Variants in COG5 observed in about 807,000 individuals in gnomAD.
COG5 encodes conserved oligomeric Golgi complex subunit 5.
A neutral mutation model predicts 110.4 loss-of-function variants in COG5; 86 were observed. That is an observed-to-expected ratio of 0.78 (90% CI 0.65 to 0.93). The LOEUF (loss-of-function observed/expected upper bound fraction) is 0.93, where lower values mean the gene tolerates loss of function less well. Ranked by LOEUF, COG5 falls within the 40% of genes least tolerant of loss-of-function variation. The pLI is 0.00. For missense variants in COG5, 1,077 were observed against 987.0 expected, an observed-to-expected ratio of 1.09 and a Z score of -1.22; for synonymous variants, 360 against 334.6, an observed-to-expected ratio of 1.08 and a Z score of -0.83.
intron 12 of COG5, among the ~76,000 whole-genome samples, chr7:107,294,908 TG>T (rs1806499685): frequency 8.9e-6 from 1 of 112,272 alleles, no homozygotes; most frequent in Non-Finnish European, 1.9e-5. Flanking sequence ...TGTGTGTGTG[TG>T]TGTGTGTGTG....
intron 6 of COG5, among the ~76,000 whole-genome samples, chr7:107,488,257 G>C (rs1232074314): frequency 6.6e-6 from 1 of 151,490 alleles, no homozygotes; most frequent in African/African-American, 2.4e-5. Flanking sequence ...CCAAACATAA[G>C]TGTAAAATTA....
At chr7:107,293,745 T>C (rs1361112501) in intron 12 of COG5, among the ~76,000 whole-genome samples, 3 of 152,108 alleles carry the variant, frequency 2.0e-5, no homozygotes, top group Non-Finnish European at 4.4e-5. Flanking sequence ...AACTTCCCTA[T>C]GTAATCTCTT....
chr7:107,280,382 T>C (rs1242645332), intron 14 of COG5, among the ~76,000 whole-genome samples: 4 of 152,110 alleles, frequency 2.6e-5, no homozygotes, highest in African/African-American at 9.6e-5. Flanking sequence ...CCTCCAAGGA[T>C]CATTTTATGT....
chr7:107,355,280 T>C (rs1812522307), intron 10 of COG5, among the ~76,000 whole-genome samples: 1 of 152,148 alleles, frequency 6.6e-6, no homozygotes, highest in African/African-American at 2.4e-5. Flanking sequence ...TTGGCAAGGA[T>C]GGGGAACAAA....
At position 107,498,662 on chromosome 7, in the gene COG5, C is replaced by T. The variant is rs112603884; in HGVS notation, c.538+28575G>A. Among the ~76,000 whole-genome samples the T allele has an allele frequency of 4.5e-3, 684 of 151,954 alleles. 11 individuals carry two copies. Among genetic ancestry groups the T allele is most frequent in the African/African-American group, 0.016 (648 of 41,466 alleles). On this transcript the variant is annotated intron_variant, in intron 6 of 21. Transcript: ENST00000297135. Reference sequence around the variant, plus strand: ...AAACAGACACGTGCTGGTGAGGTTGCGGAGAAATTGGAATCGTTTTACACT... The same window carrying T: ...AAACAGACACGTGCTGGTGAGGTTGTGGAGAAATTGGAATCGTTTTACACT...
intron 14 of COG5, among the ~76,000 whole-genome samples, chr7:107,265,365 G>A (rs565679185): frequency 2.4e-4 from 36 of 152,068 alleles, no homozygotes; most frequent in African/African-American, 8.4e-4. Context: ...CTGCAGCCTC[G>A]ACCTCCTGAT....
chr7:107,351,799 A>G (rs1365505894), intron 10 of COG5, among the ~76,000 whole-genome samples: 1 of 150,264 alleles, frequency 6.7e-6, no homozygotes, highest in Non-Finnish European at 1.5e-5. Context: ...ATCATTAAAA[A>G]GTCAGGAAAC....
intron 17 of COG5, among the ~76,000 whole-genome samples, chr7:107,241,711 C>T (rs1801649504): frequency 6.6e-6 from 1 of 152,110 alleles, no homozygotes; most frequent in Non-Finnish European, 1.5e-5. Context: ...CTCGGCCTCC[C>T]AAAGTGCTGG....
chr7:107,230,060 A>G (rs1193898304), intron 19 of COG5, among the ~76,000 whole-genome samples: 2 of 152,016 alleles, frequency 1.3e-5, no homozygotes, highest in African/African-American at 4.8e-5. Flanking sequence ...CATGTTGGCC[A>G]GGATGGTCTT....
intron 3 of COG5, among the ~76,000 whole-genome samples, chr7:107,551,027 A>G (rs186771103): frequency 7.4e-4 from 112 of 151,858 alleles, no homozygotes; most frequent in African/African-American, 2.6e-3. Flanking sequence ...AAATAAATCA[A>G]TGAGGCTACC....
In COG5 at chr7:107,527,312, T is replaced by G. The variant is rs753552900; in HGVS notation, c.463A>C (p.Ser155Arg). Reference sequence around the variant, plus strand: ...TGCAGTTGTCCTTGGAGTCTCTTACTGAGATTCAAGATACGAATAATCCTC... The same window carrying G: ...TGCAGTTGTCCTTGGAGTCTCTTACGGAGATTCAAGATACGAATAATCCTC... ...LRRIIRILNL[S>R]KRLQGQLQGG... Residue 155 changes from serine to arginine, a missense_variant, in exon 6 of 22, where the codon AGT (serine) becomes CGT (arginine). Transcript: ENST00000297135. 8 of 1,613,120 alleles carry G rather than the reference T, an allele frequency of 5.0e-6. No homozygotes were observed. The East Asian group carries it at 1.8e-4, about 36-fold the overall frequency.
Position 107,331,249 on chromosome 7 carries a change from C to T in COG5, c.1027-6728G>A, listed in dbSNP as rs145879199. ...CCAGCACTTTGGGAGGCCGAGATCA[C>T]GAGGTCAGGAGATCGGGACCATCCT... On this transcript the variant is annotated intron_variant, in intron 10 of 21. Transcript: ENST00000297135. Among the ~76,000 whole-genome samples, 681 of 152,090 alleles carry T rather than the reference C, an allele frequency of 4.5e-3. 6 individuals are homozygous for T. The highest frequency in any genetic ancestry group is 0.016 in the African/African-American group (652 of 41,518).
At chr7:107,373,399 A>G (rs968335972) in intron 7 of COG5, among the ~76,000 whole-genome samples, 1 of 152,196 alleles carries the variant, frequency 6.6e-6, no homozygotes, top group Admixed American at 6.5e-5. Flanking sequence ...GAAGTAGGGA[A>G]TAAGAATAGA....
At chr7:107,224,648 T>C (rs974830336) in intron 19 of COG5, among the ~76,000 whole-genome samples, 4 of 152,234 alleles carry the variant, frequency 2.6e-5, no homozygotes, top group African/African-American at 7.2e-5. Context: ...AGATCTATAC[T>C]GACAATGTCA....
chr7:107,251,287 A>G (rs990757934), intron 16 of COG5, among the ~76,000 whole-genome samples: 5 of 152,330 alleles, frequency 3.3e-5, no homozygotes, highest in Admixed American at 3.3e-4. Flanking sequence ...TTTTCTGTAT[A>G]AACATCCTTC....
In COG5 at chr7:107,548,343, A is replaced by G. The variant is rs777666632; in HGVS notation, c.293-11T>C. 6 of 1,613,390 alleles carry G rather than the reference A, an allele frequency of 3.7e-6. No individual in the cohort carries two copies. The highest frequency in any genetic ancestry group is 1.7e-5 in the Admixed American group (1 of 60,030). The stretch of plus-strand genomic sequence containing the variant: ...TCATCTGAAGAACACCTAGGAAAAC[A>G]TAAGTTTACATTGGCTTTACAAATT... On this transcript the variant is annotated splice_polypyrimidine_tract_variant and intron_variant, in intron 3 of 21. Transcript: ENST00000297135.
chr7:107,502,380 G>GT (rs1385694902), intron 6 of COG5, among the ~76,000 whole-genome samples: 1 of 151,988 alleles, frequency 6.6e-6, no homozygotes, highest in African/African-American at 2.4e-5. Flanking sequence ...TACATGGTGT[G>GT]TATATACATA....
chr7:107,276,027 T>C (rs531440778), intron 14 of COG5, among the ~76,000 whole-genome samples: 2 of 152,288 alleles, frequency 1.3e-5, no homozygotes, highest in African/African-American at 2.4e-5. Flanking sequence ...ACCTCATACA[T>C]AGCTACTGAT....
At chr7:107,548,250 CATTT>C (rs1802608592) in intron 4 of COG5, 24 bp downstream of exon 4, 1 of 1,602,834 alleles carries the variant, frequency 6.2e-7, no homozygotes, top group Non-Finnish European at 8.5e-7. Context: ...ATTCCCATTC[CATTT>C]ATTTATAAAA....
Sources: allele counts gnomAD v4.1 joint callset (sites outside exome capture counted in the v4.1 genomes callset), GRCh38; gene constraint gnomAD v4.1.1; transcripts MANE v1.5; gene names NCBI Gene and HGNC (gene_info 2026-07-23, HGNC 2026-07-21).